The following FRMPD3 variants were observed in gnomAD, a reference collection of about 807,000 sequenced individuals.
FRMPD3 encodes the protein FERM and PDZ domain-containing protein 3.
Under a neutral mutation model 97.9 loss-of-function variants are expected in FRMPD3, and 42 were observed. The observed-to-expected ratio is 0.43, with a 90% CI of 0.34 to 0.55. FRMPD3 has a LOEUF of 0.55. FRMPD3 is among the 20% of genes least tolerant of loss of function. The probability of loss-of-function intolerance (pLI) is 0.03; values close to 1 mark genes in which losing one functional copy is unlikely to be tolerated. For synonymous variants in FRMPD3, 577 were observed against 581.1 expected (o/e 0.99, Z 0.10); for missense variants, 1,303 against 1,457.7 (o/e 0.89, Z 1.73).
chrX:107,460,529 T>C (rs1336029659), intron 1 of FRMPD3, among the ~76,000 whole-genome samples: 1 of 110,463 alleles, frequency 9.1e-6, no homozygotes, highest in African/African-American at 3.3e-5. Context: ...TAGCTGGGAC[T>C]ACAGGTCCAT....
At chrX:107,576,925 T>C (rs1400844603) in intron 13 of FRMPD3, among the ~76,000 whole-genome samples, 8 of 110,218 alleles carry the variant, frequency 7.3e-5, no homozygotes, top group Non-Finnish European at 5.7e-5. Context: ...CAGTAAGTGC[T>C]CCCCAACCCC....
chrX:107,491,262 G>A (rs774300766), intron 1 of FRMPD3, among the ~76,000 whole-genome samples: 1 of 112,100 alleles, frequency 8.9e-6, no homozygotes, highest in Admixed American at 9.4e-5. Flanking sequence ...CACTTTCTTT[G>A]TGCTAAGCAC....
chrX:107,576,384 C>G lies in FRMPD3; in HGVS notation c.1366C>G (p.Leu456Val). 8.3e-7 allele frequency: 1 copy of G among 1,210,744 alleles called. No homozygotes were observed. The highest frequency in any genetic ancestry group is 1.1e-6 in the Non-Finnish European group (1 of 895,220). The change falls in exon 13 of 15, where the codon CTC (leucine) becomes GTC (valine). Residue 456 changes from leucine (L) to valine (V), a missense_variant. Around this residue, in one of 3 missense-constraint regions of FRMPD3, gnomAD observed 535 missense variants for 618.6 expected, o/e 0.86. Transcript: ENST00000683843. Reference sequence around the variant, plus strand: ...CTGCCTGATCGCGGGGTACTGCCGCCTCTTGCTGGATTCCAGGAAGATGGT... The same window carrying G: ...CTGCCTGATCGCGGGGTACTGCCGCGTCTTGCTGGATTCCAGGAAGATGGT... ...FACLIAGYCRLLLDSRKMVFS... is the reference protein window; with the variant it reads ...FACLIAGYCRVLLDSRKMVFS...
intron 1 of FRMPD3, among the ~76,000 whole-genome samples, chrX:107,514,497 C>T (rs781500663): frequency 1.6e-4 from 17 of 108,044 alleles, no homozygotes; most frequent in Admixed American, 9.9e-4. Context: ...TGTCGGATCC[C>T]GGATGAGCTT....
chrX:107,575,455 CTT>C (rs771754378), intron 12 of FRMPD3, among the ~76,000 whole-genome samples: 17 of 101,270 alleles, frequency 1.7e-4, no homozygotes, highest in Admixed American at 4.3e-4. Context: ...GAGCATGACT[CTT>C]TTTTTTTTTT....
chrX:107,601,024 G>A lies in FRMPD3; in HGVS notation c.2985G>A (p.Glu995=). The change falls in exon 15 of 15, where the codon GAG becomes GAA. Residue 995 remains glutamate (E), a synonymous_variant. Coordinates refer to ENST00000683843, the MANE Select transcript of FRMPD3 (RefSeq NM_001388459.1). ...TGGAGGCCAGCATGGGGAGGCCAGA[G>A]GTTAGCATGATGAGCAGCAGTGCCA... ...RRLEASMGRP[E]VSMMSSSASK... is the part of the protein sequence containing the mutation. 2 of 1,206,593 alleles carry A rather than the reference G, an allele frequency of 1.7e-6. No homozygotes were observed. The highest frequency in any genetic ancestry group is 2.2e-6 in the Non-Finnish European group (2 of 893,276).
At chrX:107,552,728 G>A in intron 6 of FRMPD3, 67 bp from the exon 7 acceptor site, 2 of 1,136,365 alleles carry the variant, frequency 1.8e-6, no homozygotes, top group Non-Finnish European at 2.4e-6. Context: ...CCCCTCCCAT[G>A]TTTGATGCTT....
chrX:107,519,043 G>A lies in FRMPD3; in HGVS notation c.-7-7539G>A, dbSNP rs760561412. Among the ~76,000 whole-genome samples, 3 of 112,115 alleles carry A rather than the reference G, an allele frequency of 2.7e-5. No individual in the cohort carries two copies. The East Asian group carries it at 8.4e-4, about 31-fold the overall frequency. On this transcript the variant is annotated intron_variant, in intron 1 of 14. Coordinates refer to ENST00000683843, the MANE Select transcript of FRMPD3 (RefSeq NM_001388459.1). The stretch of plus-strand genomic sequence containing the variant: ...ATCAAATTCATAGAAACAGAAAGTA[G>A]AATTGTGGCTTCCATGGGTTGGGAA...
At chrX:107,554,602 A>G (rs1922000632) in intron 8 of FRMPD3, 98 bp downstream of exon 8, 1 of 1,046,836 alleles carries the variant, frequency 9.6e-7, no homozygotes, top group East Asian at 3.3e-5. Context: ...AGTTTTTCCA[A>G]CCTCCAGGTA....
intron 7 of FRMPD3, among the ~76,000 whole-genome samples, chrX:107,553,675 AAG>A (rs1410327431): frequency 1.8e-5 from 2 of 111,439 alleles, no homozygotes; most frequent in Non-Finnish European, 3.8e-5. Context: ...GATTTTTGGA[AAG>A]AGAGATTCAA....
intron 1 of FRMPD3, among the ~76,000 whole-genome samples, chrX:107,483,231 G>A (rs1921420340): frequency 8.9e-6 from 1 of 112,604 alleles, no homozygotes; most frequent in South Asian, 3.7e-4. Flanking sequence ...CCCAAACCAT[G>A]TTCCCTGGTG....
chrX:107,489,468 C>A (rs1396576934), intron 1 of FRMPD3, among the ~76,000 whole-genome samples: 2 of 111,597 alleles, frequency 1.8e-5, no homozygotes, highest in East Asian at 5.6e-4. Flanking sequence ...TAAAAGTGTT[C>A]CTATTTCTCC....
At chrX:107,559,648 T>A (rs992221411) in intron 8 of FRMPD3, among the ~76,000 whole-genome samples, 4 of 112,166 alleles carry the variant, frequency 3.6e-5, no homozygotes, top group African/African-American at 1.3e-4. Context: ...TAGCTGGGGC[T>A]GTGACCCTCA....
intron 13 of FRMPD3, among the ~76,000 whole-genome samples, chrX:107,580,558 A>G (rs764073666): frequency 5.4e-5 from 6 of 111,453 alleles, no homozygotes; most frequent in African/African-American, 2.0e-4. Flanking sequence ...TGGGCATGCC[A>G]CTGGGAGCCA....
chrX:107,536,569 C>T (rs1184517551), intron 4 of FRMPD3, among the ~76,000 whole-genome samples: 1 of 110,993 alleles, frequency 9.0e-6, no homozygotes, highest in Non-Finnish European at 1.9e-5. Context: ...ATCATGTACC[C>T]GTTGAAGGGC....
chrX:107,489,641 A>G (rs768270776), intron 1 of FRMPD3, among the ~76,000 whole-genome samples: 1 of 112,074 alleles, frequency 8.9e-6, no homozygotes, highest in Non-Finnish European at 1.9e-5. Context: ...TCTTCTTTTG[A>G]GAAGTGTCTG....
In FRMPD3 at chrX:107,602,790, C is replaced by T. The variant is rs774037569; in HGVS notation, c.4751C>T (p.Ala1584Val). Residue 1584 changes from alanine (A) to valine (V), a missense_variant, in exon 15 of 15, where the codon GCC (alanine) becomes GTC (valine). Physicochemically the swap from Ala to Val is moderately conservative, Grantham distance 64 (BLOSUM62 0). Transcript: ENST00000683843. ...AAGATCAATGCCCTGCGGGCCCATG[C>T]CTATGGCCTCCCTGATGGCTTCCTG... ...LAKINALRAH[A>V]YGLPDGFLAA... is the part of the protein sequence containing the mutation. The T allele has an allele frequency of 7.4e-6, 9 of 1,209,870 alleles. No individual in the cohort carries two copies. The South Asian group carries it at 1.4e-4, about 19-fold the overall frequency.
At chrX:107,527,324 A>T (rs1922735202) in intron 2 of FRMPD3, among the ~76,000 whole-genome samples, 1 of 112,803 alleles carries the variant, frequency 8.9e-6, no homozygotes, top group African/African-American at 3.2e-5. Flanking sequence ...AATGTGCTTT[A>T]CATCATATTG....
chrX:107,594,604 G>A (rs748490444), intron 13 of FRMPD3, among the ~76,000 whole-genome samples: 8 of 112,284 alleles, frequency 7.1e-5, no homozygotes, highest in Admixed American at 4.7e-4. Flanking sequence ...ATTTTAGGCC[G>A]GGCGCGGTGG....
Sources: allele counts gnomAD v4.1 joint callset (sites outside exome capture counted in the v4.1 genomes callset), GRCh38; gene constraint gnomAD v4.1.1; regional missense constraint gnomAD v4.1.1; transcripts MANE v1.5; gene names NCBI Gene and HGNC (gene_info 2026-07-23, HGNC 2026-07-21).